The following KCNB2 variants were observed in gnomAD, a reference collection of about 807,000 sequenced individuals.
The protein encoded by KCNB2 is delayed rectifier potassium channel protein.
In KCNB2, 15 loss-of-function variants were observed where a neutral mutation model predicts 61.5. That is an observed-to-expected ratio of 0.24 (90% confidence interval 0.16 to 0.38). KCNB2 has a LOEUF of 0.38. Among genes scored for constraint, KCNB2 ranks in the 10% least tolerant of loss-of-function variants. The probability of loss-of-function intolerance (pLI) is 1.00; values close to 1 mark genes in which losing one functional copy is unlikely to be tolerated. For synonymous variants in KCNB2, 457 were observed against 446.0 expected, an observed-to-expected ratio of 1.02 and a Z score of -0.31; for missense variants, 828 against 1,125.2, an observed-to-expected ratio of 0.74 and a Z score of 3.78.
At chr8:72,630,949 AG>A (rs1805868737) in intron 2 of KCNB2, among the ~76,000 whole-genome samples, 1 of 152,190 alleles carries the variant, frequency 6.6e-6, no homozygotes, top group Non-Finnish European at 1.5e-5. Flanking sequence ...ATACGTTCCA[AG>A]CCCCCCATGG....
intron 2 of KCNB2, among the ~76,000 whole-genome samples, chr8:72,767,393 T>A (rs1016386587): frequency 1.8e-4 from 27 of 152,176 alleles, no homozygotes; most frequent in Non-Finnish European, 5.9e-5. Flanking sequence ...AGAAATCCCA[T>A]GCTTATTAAA....
intron 2 of KCNB2, among the ~76,000 whole-genome samples, chr8:72,839,820 A>C (rs1015398266): frequency 1.3e-5 from 2 of 151,652 alleles, no homozygotes; most frequent in African/African-American, 4.8e-5. Context: ...TCACCGTGTT[A>C]GCCAGGATGG....
chr8:72,751,518 C>A lies in KCNB2; in HGVS notation c.579+183205C>A, dbSNP rs552011295. The A allele has an allele frequency of 3.9e-5, 6 of 152,214 alleles. No homozygotes were observed. In the East Asian group the frequency reaches 1.2e-3, roughly 29 times the overall value. The allele number at this position is 152,214 out of a possible 1,614,324, so 9.4% of individuals were successfully genotyped here. ...TATACTGCGTCTTCTTAACAGGAAC[C>A]TTCTGGAAACCCTGCCTTCATTCAG... is the stretch of plus-strand genomic sequence containing the variant. On this transcript the variant is annotated intron_variant, in intron 2 of 2. Transcript: ENST00000523207.
chr8:72,759,049 C>G (rs934548327), intron 2 of KCNB2, among the ~76,000 whole-genome samples: 1 of 152,050 alleles, frequency 6.6e-6, no homozygotes, highest in African/African-American at 2.4e-5. Flanking sequence ...GTTTAATGAA[C>G]TTAGTCTGAA....
chr8:72,558,959 T>C (rs775511853), intron 1 of KCNB2, among the ~76,000 whole-genome samples: 6 of 151,924 alleles, frequency 3.9e-5, no homozygotes, highest in Admixed American at 6.6e-5. Context: ...CTGTTCCCTG[T>C]GGCAGAGGGA....
intron 2 of KCNB2, among the ~76,000 whole-genome samples, chr8:72,694,765 G>A (rs1057436376): frequency 2.0e-5 from 3 of 151,796 alleles, no homozygotes; most frequent in African/African-American, 7.3e-5. Flanking sequence ...TAGAGCATCT[G>A]TATGGCCATC....
intron 2 of KCNB2, among the ~76,000 whole-genome samples, chr8:72,788,978 A>T (rs1808890875): frequency 6.6e-6 from 1 of 152,138 alleles, no homozygotes; most frequent in African/African-American, 2.4e-5. Flanking sequence ...TGTTCATTAA[A>T]AATGTATTGA....
At chr8:72,832,803 A>G (rs572929897) in intron 2 of KCNB2, among the ~76,000 whole-genome samples, 1 of 152,320 alleles carries the variant, frequency 6.6e-6, no homozygotes, top group East Asian at 1.9e-4. Flanking sequence ...AGGCCAAGTG[A>G]CACCTATATA....
chr8:72,690,025 C>T (rs1806915510), intron 2 of KCNB2, among the ~76,000 whole-genome samples: 1 of 122,746 alleles, frequency 8.1e-6, no homozygotes, highest in African/African-American at 3.5e-5. Context: ...GCATTAAAAC[C>T]TTGCCCTCGC....
At chr8:72,777,584 A>T (rs1808677234) in intron 2 of KCNB2, among the ~76,000 whole-genome samples, 1 of 152,310 alleles carries the variant, frequency 6.6e-6, no homozygotes. Flanking sequence ...TGTTGCCACC[A>T]TGTTTTTTCT....
At chr8:72,928,191 C>CTTTTTTTT (rs879676235) in intron 2 of KCNB2, among the ~76,000 whole-genome samples, 1 of 134,908 alleles carries the variant, frequency 7.4e-6, no homozygotes. Flanking sequence ...CACTTTCTTT[C>CTTTTTTTT]TTTTTTTTTT....
chr8:72,928,182 ACTTT>A (rs1474013281), intron 2 of KCNB2, among the ~76,000 whole-genome samples: 2 of 144,676 alleles, frequency 1.4e-5, no homozygotes, highest in Admixed American at 6.8e-5. Flanking sequence ...ACTTCTTTCC[ACTTT>A]CTTTCTTTTT....
intron 2 of KCNB2, among the ~76,000 whole-genome samples, chr8:72,735,262 T>A (rs1172326295): frequency 6.6e-6 from 1 of 152,222 alleles, no homozygotes; most frequent in East Asian, 1.9e-4. Context: ...GACTTTTTTT[T>A]ATTATTTCTT....
At chr8:72,659,495 G>T (rs753418378) in intron 2 of KCNB2, among the ~76,000 whole-genome samples, 38 of 152,206 alleles carry the variant, frequency 2.5e-4, no homozygotes, top group Non-Finnish European at 2.5e-4. Flanking sequence ...GGTTTGAAAA[G>T]ATTAATTCCA....
rs1419721591 is a variant in KCNB2 at position 72,681,285 on chromosome 8, A to G, written c.579+112972A>G. ...AGAATAGAAAAAAGACAGTAGGAAT[A>G]TAAAAGGCAACAAAAAAAGACAGCT... On this transcript the variant is annotated intron_variant, in intron 2 of 2. Coordinates refer to ENST00000523207, the MANE Select transcript of KCNB2 (RefSeq NM_004770.3). 2.6e-5 allele frequency among the ~76,000 whole-genome samples: 4 copies of G among 152,312 alleles called. No individual in the cohort carries two copies. In the East Asian group the frequency reaches 7.7e-4, roughly 29 times the overall value.
At chr8:72,612,349 T>C (rs1307320193) in intron 2 of KCNB2, among the ~76,000 whole-genome samples, 1 of 152,216 alleles carries the variant, frequency 6.6e-6, no homozygotes, top group Non-Finnish European at 1.5e-5. Flanking sequence ...TACTCAACTT[T>C]AGTAAATGTA....
intron 2 of KCNB2, among the ~76,000 whole-genome samples, chr8:72,778,101 A>G (rs1194803095): frequency 6.6e-6 from 1 of 152,216 alleles, no homozygotes; most frequent in Non-Finnish European, 1.5e-5. Flanking sequence ...AATAGCATCC[A>G]TGAGAGTTAA....
intron 2 of KCNB2, among the ~76,000 whole-genome samples, chr8:72,618,296 T>C (rs532456936): frequency 6.6e-5 from 10 of 152,354 alleles, no homozygotes; most frequent in African/African-American, 2.4e-4. Flanking sequence ...CAAATTATTT[T>C]TGAGGTCTTG....
intron 2 of KCNB2, among the ~76,000 whole-genome samples, chr8:72,845,107 C>T (rs996819078): frequency 1.1e-4 from 17 of 152,106 alleles, no homozygotes; most frequent in African/African-American, 4.1e-4. Flanking sequence ...TGCCGGTGAC[C>T]TTTGGATGGG....
Sources: allele counts gnomAD v4.1 joint callset (sites outside exome capture counted in the v4.1 genomes callset), GRCh38; gene constraint gnomAD v4.1.1; transcripts MANE v1.5; gene names NCBI Gene and HGNC (gene_info 2026-07-23, HGNC 2026-07-21).